The following PSD3 variants were observed in gnomAD, a reference collection of about 807,000 sequenced individuals.
PSD3 encodes the protein pleckstrin and Sec7 domain containing 3.
A neutral mutation model predicts 105.5 loss-of-function variants in PSD3; 49 were observed. That is an observed-to-expected ratio of 0.46 (90% CI 0.37 to 0.59). The LOEUF is 0.59. PSD3 is among the 20% of genes least tolerant of loss of function. PSD3 has a pLI of 0.00. For missense variants in PSD3, 1,561 were observed against 1,263.8 expected, an observed-to-expected ratio of 1.24 and a Z score of -3.57; for synonymous variants, 557 against 457.8, an observed-to-expected ratio of 1.22 and a Z score of -2.77.
intron 9 of PSD3, among the ~76,000 whole-genome samples, chr8:18,756,944 G>GCA (rs1351382784): frequency 2.5e-4 from 37 of 145,674 alleles, no homozygotes; most frequent in African/African-American, 8.2e-4. Context: ...TTCCACACGG[G>GCA]CACACTGCTA....
Position 18,639,972 on chromosome 8 carries a change from T to C in PSD3, c.2217-7166A>G, listed in dbSNP as rs17518596. 9.2e-3 allele frequency among the ~76,000 whole-genome samples: 1,404 copies of C among 152,198 alleles called. 10 individuals are homozygous for C. The highest frequency in any genetic ancestry group is 0.019 in the East Asian group (99 of 5,168). ...ATCTCAGCCTCCTCATATGTAAAATTTGAAGCTTGCTCTAAGTCAGTAAAT... is the reference window on the plus strand; with the variant it reads ...ATCTCAGCCTCCTCATATGTAAAATCTGAAGCTTGCTCTAAGTCAGTAAAT... On this transcript the variant is annotated intron_variant, in intron 10 of 15. Transcript: ENST00000327040.
At chr8:19,057,905 C>T (rs1035102548) in intron 1 of PSD3, among the ~76,000 whole-genome samples, 4 of 152,150 alleles carry the variant, frequency 2.6e-5, no homozygotes, top group South Asian at 2.1e-4. Context: ...GTTAAACATA[C>T]GCTCATCATA....
chr8:18,996,332 G>T (rs368604964), intron 1 of PSD3, among the ~76,000 whole-genome samples: 10 of 152,006 alleles, frequency 6.6e-5, no homozygotes, highest in East Asian at 5.8e-4. Flanking sequence ...GTGTACCTCA[G>T]ATCCATGCAT....
intron 1 of PSD3, among the ~76,000 whole-genome samples, chr8:18,991,387 C>CACACAA (rs1825795352): frequency 7.4e-6 from 1 of 135,488 alleles, no homozygotes; most frequent in African/African-American, 2.6e-5. Context: ...CACACACACA[C>CACACAA]ACACACACAC....
intron 4 of PSD3, among the ~76,000 whole-genome samples, chr8:18,833,323 C>A (rs534662497): frequency 6.6e-6 from 1 of 152,306 alleles, no homozygotes; most frequent in East Asian, 1.9e-4. Context: ...TGGAGGTGAG[C>A]AGCTGCTTCA....
rs980839026 is a variant in PSD3 at position 18,751,549 on chromosome 8, G to A, written c.2172+13900C>T. Reference sequence around the variant, plus strand: ...TTATTTTACAAATGAGGAAACTCAGGCACAAAGTGAAATGATCACCCGGAG... The same window carrying A: ...TTATTTTACAAATGAGGAAACTCAGACACAAAGTGAAATGATCACCCGGAG... On this transcript the variant is annotated intron_variant, in intron 9 of 15. Transcript: ENST00000327040. Among the ~76,000 whole-genome samples, 5 of 151,754 alleles carry A rather than the reference G, an allele frequency of 3.3e-5. No homozygotes were observed. In the East Asian group the frequency reaches 5.8e-4, roughly 18 times the overall value.
In PSD3 at chr8:19,056,159, G is replaced by A. The variant is rs961631945; in HGVS notation, c.324+28047C>T. The stretch of plus-strand genomic sequence containing the variant: ...TTCGTGGGATAACTTCCTTTTCTTT[G>A]ATCGTTTTCAAATACAGGCAGACAA... On this transcript the variant is annotated intron_variant, in intron 1 of 1. Coordinates refer to the PSD3 transcript ENST00000521475. Among the ~76,000 whole-genome samples, 14 of 152,252 alleles carry A rather than the reference G, an allele frequency of 9.2e-5. No individual in the cohort carries two copies. In the East Asian group the frequency reaches 2.7e-3, roughly 29 times the overall value.
intron 14 of PSD3, among the ~76,000 whole-genome samples, chr8:18,561,154 G>A (rs1029403091): frequency 2.6e-5 from 4 of 152,206 alleles, no homozygotes; most frequent in South Asian, 2.1e-4. Context: ...AGACCATGCC[G>A]TATCTTCTTC....
At chr8:18,891,508 T>C (rs1402528235) in intron 2 of PSD3, among the ~76,000 whole-genome samples, 1 of 152,166 alleles carries the variant, frequency 6.6e-6, no homozygotes, top group African/African-American at 2.4e-5. Flanking sequence ...GGAAGTTCTA[T>C]CCTAACCTAC....
chr8:19,059,168 A>G lies in PSD3; in HGVS notation c.324+25038T>C, dbSNP rs561735991. Among the ~76,000 whole-genome samples, 4 of 152,338 alleles carry G rather than the reference A, an allele frequency of 2.6e-5. No homozygotes were observed. The South Asian group carries it at 8.3e-4, about 32-fold the overall frequency. ...GAATCACCAGAATCTAAGTCATCGG[A>G]AAGTCTCTCATCCAAATAACACCCA... is the stretch of plus-strand genomic sequence containing the variant. On this transcript the variant is annotated intron_variant, in intron 1 of 1. Coordinates refer to the PSD3 transcript ENST00000521475.
chr8:18,924,642 A>G (rs1821246216), intron 2 of PSD3: 1 of 152,216 alleles, frequency 6.6e-6, no homozygotes, highest in Non-Finnish European at 1.5e-5. Context: ...GCCAGATGCA[A>G]AGATCTGAAT....
At chr8:18,767,975 T>C (rs1241825777) in intron 8 of PSD3, among the ~76,000 whole-genome samples, 1 of 150,954 alleles carries the variant, frequency 6.6e-6, no homozygotes, top group Non-Finnish European at 1.5e-5. Context: ...GATAGACTTT[T>C]AAAAAGTAGC....
At chr8:18,818,429 T>C (rs1440366641) in intron 4 of PSD3, among the ~76,000 whole-genome samples, 1 of 152,064 alleles carries the variant, frequency 6.6e-6, no homozygotes, top group Non-Finnish European at 1.5e-5. Flanking sequence ...AGAACCAAAC[T>C]ACCTGTAAGG....
chr8:18,564,860 C>A (rs941353017), intron 14 of PSD3, among the ~76,000 whole-genome samples: 1 of 152,104 alleles, frequency 6.6e-6, no homozygotes, highest in South Asian at 2.1e-4. Context: ...GCGTGAGAAT[C>A]AAGCATAGGA....
chr8:18,654,825 T>C (rs574023556), intron 10 of PSD3, among the ~76,000 whole-genome samples: 2 of 152,302 alleles, frequency 1.3e-5, no homozygotes, highest in East Asian at 3.9e-4. Context: ...AACCTTTTTT[T>C]GGTTGCTGTT....
chr8:18,963,927 G>C (rs918894819), intron 1 of PSD3, among the ~76,000 whole-genome samples: 1 of 152,132 alleles, frequency 6.6e-6, no homozygotes, highest in Non-Finnish European at 1.5e-5. Flanking sequence ...GTGAATGATG[G>C]TGTTTGTTTC....
At chr8:18,982,770 G>A (rs770524064) in intron 1 of PSD3, among the ~76,000 whole-genome samples, 4 of 152,150 alleles carry the variant, frequency 2.6e-5, no homozygotes, top group Admixed American at 6.5e-5. Flanking sequence ...GCTAATAGAC[G>A]TCCTGTCATA....
intron 4 of PSD3, among the ~76,000 whole-genome samples, chr8:18,821,247 C>T (rs181920316): frequency 1.2e-4 from 18 of 151,392 alleles, no homozygotes; most frequent in African/African-American, 4.4e-4. Context: ...CAAAAAGCTA[C>T]AGAAATTCTC....
chr8:19,078,724 C>T (rs559960070), intron 1 of PSD3, among the ~76,000 whole-genome samples: 1 of 152,024 alleles, frequency 6.6e-6, no homozygotes, highest in Admixed American at 6.6e-5. Context: ...AAAGTCTCCT[C>T]CCAGGGATGC....
Sources: allele counts gnomAD v4.1 joint callset (sites outside exome capture counted in the v4.1 genomes callset), GRCh38; gene constraint gnomAD v4.1.1; transcripts MANE v1.5; gene names NCBI Gene and HGNC (gene_info 2026-07-23, HGNC 2026-07-21).